The following PARVA variants were observed in gnomAD, a reference collection of about 807,000 sequenced individuals.
PARVA encodes the protein parvin alpha, also known as alpha-parvin.
Under a neutral mutation model 52.6 loss-of-function variants are expected in PARVA, and 25 were observed. That is an observed-to-expected ratio of 0.48 (90% CI 0.35 to 0.66). PARVA has a LOEUF of 0.66. PARVA is among the 30% of genes least tolerant of loss of function. The pLI, the probability that PARVA is intolerant of heterozygous loss-of-function variation, is 0.01. For synonymous variants in PARVA, 185 were observed against 179.1 expected (o/e 1.03, Z -0.26); for missense variants, 373 against 450.9 (o/e 0.83, Z 1.56).
At chr11:12,491,156 A>G (rs2135055003) in intron 4 of PARVA, among the ~76,000 whole-genome samples, 2 of 152,268 alleles carry the variant, frequency 1.3e-5, no homozygotes, top group South Asian at 4.1e-4. Context: ...AATACTATAT[A>G]CAAGAGATAG....
Position 12,517,636 on chromosome 11 carries a change from G to C in PARVA, c.894G>C (p.Leu298=), listed in dbSNP as rs774143111. The C allele has an allele frequency of 6.9e-6, 11 of 1,602,456 alleles. No homozygotes were observed. In the Admixed American group the frequency reaches 1.9e-4, roughly 27 times the overall value. The change falls in exon 11 of 13, where the codon CTG becomes CTC. Residue 298 remains leucine (L), a synonymous_variant. Transcript: ENST00000334956. ...TQFADGVYLV[L]LMGLLEGYFV... is the part of the protein sequence containing the mutation. The stretch of plus-strand genomic sequence containing the variant: ...TTGCAGATGGGGTGTACCTGGTGCT[G>C]CTCATGGGGCTCCTGGAGGGCTACT...
At chr11:12,410,511 T>G (rs11822002) in intron 1 of PARVA, among the ~76,000 whole-genome samples, 2,421 of 152,324 alleles carry the variant, frequency 0.016, 61 homozygotes, top group African/African-American at 0.055. Context: ...ATTGGTTGGG[T>G]CTAGATCCGA....
Position 12,409,940 on chromosome 11 carries a change from C to T in PARVA, c.136+32157C>T, listed in dbSNP as rs140636916. ...GAGTTCACTGCCTATTAATTGGTAC[C>T]TGCTACATGCCAGGCTGTCTGAGAC... On this transcript the variant is annotated intron_variant, in intron 1 of 12. Transcript: ENST00000334956. Among the ~76,000 whole-genome samples the T allele has an allele frequency of 6.6e-4, 100 of 152,334 alleles. No homozygotes were observed. In the Middle Eastern group the frequency reaches 0.01, roughly 16 times the overall value.
chr11:12,466,733 A>C (rs1940859052), intron 1 of PARVA, among the ~76,000 whole-genome samples: 1 of 151,808 alleles, frequency 6.6e-6, no homozygotes, highest in Non-Finnish European at 1.5e-5. Flanking sequence ...TTTTTCTAGA[A>C]GTTTTATAGT....
In PARVA at chr11:12,427,603, A is replaced by ATT. The variant is rs113337456; in HGVS notation, c.137-46134_137-46133dup. Reference sequence around the variant, plus strand: ...AGAAATGTTTTCATCTACAACAGACATTTTTTTTTAAAGCAAGTTTTGACA... The same window carrying ATT: ...AGAAATGTTTTCATCTACAACAGACATTTTTTTTTTTAAAGCAAGTTTTGACA... On this transcript the variant is annotated intron_variant, in intron 1 of 12. Transcript: ENST00000334956. 6.8e-3 allele frequency among the ~76,000 whole-genome samples: 1,039 copies of ATT among 151,764 alleles called. 8 individuals are homozygous for ATT. The highest frequency in any genetic ancestry group is 0.017 in the Middle Eastern group (5 of 292).
intron 1 of PARVA, among the ~76,000 whole-genome samples, chr11:12,399,932 T>C (rs1221911086): frequency 6.6e-6 from 1 of 152,208 alleles, no homozygotes; most frequent in Non-Finnish European, 1.5e-5. Flanking sequence ...TTAGTGTTAC[T>C]TCTTTAGGGT....
chr11:12,383,250 C>T (rs866340772), intron 1 of PARVA, among the ~76,000 whole-genome samples: 1 of 152,156 alleles, frequency 6.6e-6, no homozygotes, highest in African/African-American at 2.4e-5. Flanking sequence ...TCTTTCACTG[C>T]CCTTTCAGAG....
intron 1 of PARVA, among the ~76,000 whole-genome samples, chr11:12,432,188 C>T (rs1940324808): frequency 6.6e-6 from 1 of 152,178 alleles, no homozygotes; most frequent in Non-Finnish European, 1.5e-5. Context: ...TTTTCTTTCT[C>T]ACCTGTCTCT....
intron 1 of PARVA, among the ~76,000 whole-genome samples, chr11:12,468,231 G>A (rs1940882115): frequency 6.6e-6 from 1 of 152,154 alleles, no homozygotes; most frequent in Non-Finnish European, 1.5e-5. Flanking sequence ...CCACCACCTT[G>A]AGCAGACTGA....
intron 3 of PARVA, among the ~76,000 whole-genome samples, chr11:12,474,989 T>G (rs559891777): frequency 2.8e-4 from 43 of 151,682 alleles, no homozygotes; most frequent in African/African-American, 1.0e-3. Flanking sequence ...GTCAGAGTGA[T>G]TCATTCCCCC....
intron 12 of PARVA, among the ~76,000 whole-genome samples, chr11:12,523,265 G>C (rs1272583999): frequency 2.0e-5 from 3 of 152,186 alleles, no homozygotes; most frequent in African/African-American, 7.2e-5. Flanking sequence ...GACAGGATGA[G>C]ATAGAGGCGC....
chr11:12,511,229 A>G (rs1357674108), intron 7 of PARVA, among the ~76,000 whole-genome samples: 5 of 152,232 alleles, frequency 3.3e-5, no homozygotes, highest in Non-Finnish European at 7.3e-5. Context: ...TTTAAGGCAA[A>G]AAGTGATCCT....
chr11:12,436,167 G>T (rs1433445271), intron 1 of PARVA, among the ~76,000 whole-genome samples: 1 of 152,126 alleles, frequency 6.6e-6, no homozygotes, highest in Non-Finnish European at 1.5e-5. Flanking sequence ...CCTCTTCTGA[G>T]GATTAGGGAT....
At chr11:12,503,698 C>T (rs1941391066) in intron 5 of PARVA, among the ~76,000 whole-genome samples, 1 of 151,946 alleles carries the variant, frequency 6.6e-6, no homozygotes, top group Admixed American at 6.6e-5. Flanking sequence ...TGTACCACTG[C>T]ACTCCAGCCT....
chr11:12,489,176 GAAAA>G (rs1170298590), intron 4 of PARVA, among the ~76,000 whole-genome samples: 1 of 147,938 alleles, frequency 6.8e-6, no homozygotes, highest in Non-Finnish European at 1.5e-5. Flanking sequence ...AAAAAAAAAA[GAAAA>G]AGAAAAAAAG....
At position 12,504,334 on chromosome 11, in the gene PARVA, G is replaced by A. The variant is rs2135067769; in HGVS notation, c.562G>A (p.Val188Met). 6.2e-7 allele frequency: 1 copy of A among 1,611,210 alleles called. No homozygotes were observed. The change falls in exon 6 of 13, where the codon GTG becomes ATG. Residue 188 changes from valine to methionine, a missense_variant. Coordinates refer to ENST00000334956, the MANE Select transcript of PARVA (RefSeq NM_018222.5). ...TTCAGCTGTTCATGCCAAGAGCCTGGTGGCCATCTTACACCTGCTCGTTGC... is the reference window on the plus strand; with the variant it reads ...TTCAGCTGTTCATGCCAAGAGCCTGATGGCCATCTTACACCTGCTCGTTGC... ...NVDSVHAKSL[V>M]AILHLLVALS...
At chr11:12,463,935 C>T (rs2135026476) in intron 1 of PARVA, among the ~76,000 whole-genome samples, 2 of 150,316 alleles carry the variant, frequency 1.3e-5, no homozygotes, top group East Asian at 3.9e-4. Flanking sequence ...CAACTTTGGC[C>T]AGCTCTTTCA....
At chr11:12,430,837 T>TG (rs1940306430) in intron 1 of PARVA, among the ~76,000 whole-genome samples, 1 of 152,210 alleles carries the variant, frequency 6.6e-6, no homozygotes, top group Non-Finnish European at 1.5e-5. Context: ...AATCCAAACG[T>TG]GCTTGACAGG....
rs1187417759 is a variant in PARVA at position 12,517,702 on chromosome 11, T to C, written c.960T>C (p.Phe320=). 1 of 1,597,420 alleles carries C rather than the reference T, an allele frequency of 6.3e-7. No individual in the cohort carries two copies. The highest frequency in any genetic ancestry group is 2.3e-5 in the East Asian group (1 of 44,308). ...GCTTCTTCCTGACCCCGGACAGCTTTGAACAGAAGGTAAGGAGAAGGGACA... is the reference window on the plus strand; with the variant it reads ...GCTTCTTCCTGACCCCGGACAGCTTCGAACAGAAGGTAAGGAGAAGGGACA... ...LHSFFLTPDS[F]EQKVLNVSFA... The change falls in exon 11 of 13, where the codon TTT becomes TTC. Residue 320 remains phenylalanine, a synonymous_variant. Coordinates refer to ENST00000334956, the MANE Select transcript of PARVA (RefSeq NM_018222.5).
Sources: allele counts gnomAD v4.1 joint callset (sites outside exome capture counted in the v4.1 genomes callset), GRCh38; gene constraint gnomAD v4.1.1; transcripts MANE v1.5; gene names NCBI Gene and HGNC (gene_info 2026-07-23, HGNC 2026-07-21).